Variants in COL4A2 observed in about 807,000 individuals in gnomAD.
COL4A2 encodes collagen type IV alpha 2 chain, also known as collagen alpha-2(IV) chain.
A neutral mutation model predicts 200.2 loss-of-function variants in COL4A2; 99 were observed. That is an observed-to-expected ratio of 0.49 (90% CI 0.42 to 0.58). The LOEUF (loss-of-function observed/expected upper bound fraction) is 0.58, where lower values mean the gene tolerates loss of function less well. Among genes scored for constraint, COL4A2 ranks in the 20% least tolerant of loss-of-function variants. COL4A2 has a pLI of 0.00. For missense variants in COL4A2, 1,950 were observed against 2,314.1 expected (o/e 0.84, Z 3.23); for synonymous variants, 897 against 900.6 (o/e 1.00, Z 0.07).
At chr13:110,382,392 C>T (rs530336611) in intron 4 of COL4A2, among the ~76,000 whole-genome samples, 38 of 152,316 alleles carry the variant, frequency 2.5e-4, no homozygotes, top group African/African-American at 8.7e-4. Context: ...CACCCGTCTT[C>T]CGCCCACTTC....
intron 4 of COL4A2, among the ~76,000 whole-genome samples, chr13:110,408,162 G>C (rs11619430): frequency 0.6 from 90,747 of 151,760 alleles, 27,494 homozygotes; most frequent in Admixed American, 0.65. Flanking sequence ...GAGGGGAAAC[G>C]CAGGCGGGTC....
intron 4 of COL4A2, among the ~76,000 whole-genome samples, chr13:110,383,143 C>G (rs148187517): frequency 3.3e-5 from 5 of 152,170 alleles, no homozygotes; most frequent in African/African-American, 1.2e-4. Flanking sequence ...TTTGCTCAAA[C>G]TTATGGGGAT....
chr13:110,411,769 A>G (rs1879848875), intron 4 of COL4A2, among the ~76,000 whole-genome samples: 1 of 152,200 alleles, frequency 6.6e-6, no homozygotes, highest in African/African-American at 2.4e-5. Context: ...GTCCAAGGTC[A>G]TGTCTGTTCC....
intron 39 of COL4A2, among the ~76,000 whole-genome samples, chr13:110,494,159 T>C (rs150580884): frequency 2.6e-5 from 4 of 152,354 alleles, no homozygotes; most frequent in African/African-American, 9.6e-5. Context: ...TGAATGGGGA[T>C]ATAAAGACTC....
At chr13:110,366,545 A>C (rs1877760111) in intron 4 of COL4A2, among the ~76,000 whole-genome samples, 1 of 152,224 alleles carries the variant, frequency 6.6e-6, no homozygotes, top group South Asian at 2.1e-4. Flanking sequence ...AATAATAGCC[A>C]AGGGGAGAAA....
intron 24 of COL4A2, among the ~76,000 whole-genome samples, chr13:110,464,867 C>A (rs554458661): frequency 6.6e-6 from 1 of 152,228 alleles, no homozygotes; most frequent in Non-Finnish European, 1.5e-5. Flanking sequence ...AGCTCCCCCC[C>A]GCACCCTGCA....
intron 3 of COL4A2, among the ~76,000 whole-genome samples, chr13:110,332,927 A>G (rs942252528): frequency 6.6e-6 from 1 of 152,156 alleles, no homozygotes; most frequent in Admixed American, 6.5e-5. Context: ...CCAAATTCCC[A>G]TGGTAGCTAT....
At chr13:110,499,147 A>G (rs1448780514) in intron 40 of COL4A2, among the ~76,000 whole-genome samples, 1 of 152,260 alleles carries the variant, frequency 6.6e-6, no homozygotes, top group Non-Finnish European at 1.5e-5. Flanking sequence ...AAATATGGGA[A>G]TAATTTGAAT....
chr13:110,314,300 G>C (rs894925921), intron 3 of COL4A2, among the ~76,000 whole-genome samples: 1 of 152,226 alleles, frequency 6.6e-6, no homozygotes, highest in Non-Finnish European at 1.5e-5. Flanking sequence ...TCAGCAGCCA[G>C]TCACATTTGG....
intron 3 of COL4A2, among the ~76,000 whole-genome samples, chr13:110,309,305 T>C (rs1474910374): frequency 6.6e-6 from 1 of 152,200 alleles, no homozygotes; most frequent in East Asian, 1.9e-4. Context: ...ACCAGAGCAC[T>C]CCAGGCCAAA....
intron 3 of COL4A2, among the ~76,000 whole-genome samples, chr13:110,330,999 T>G (rs2139361428): frequency 6.6e-6 from 1 of 152,248 alleles, no homozygotes; most frequent in Admixed American, 6.5e-5. Flanking sequence ...AAATTGCTGT[T>G]TAAATAAACC....
intron 3 of COL4A2, among the ~76,000 whole-genome samples, chr13:110,320,143 G>A (rs375586221): frequency 2.0e-4 from 31 of 152,338 alleles, no homozygotes; most frequent in Admixed American, 1.6e-3. Flanking sequence ...TCTGGTTCTC[G>A]CATACTGGGC....
intron 3 of COL4A2, among the ~76,000 whole-genome samples, chr13:110,334,572 A>G (rs142697204): frequency 6.6e-6 from 1 of 152,218 alleles, no homozygotes; most frequent in Admixed American, 6.5e-5. Context: ...TGTCGTGGTC[A>G]TGGCACACTC....
Position 110,469,336 on chromosome 13 carries a change from T to C in COL4A2, c.2203+12T>C, listed in dbSNP as rs924834763. The C allele has an allele frequency of 7.7e-6, 12 of 1,565,016 alleles. No individual in the cohort carries two copies. Among genetic ancestry groups the C allele is most frequent in the Middle Eastern group, 2.1e-4 (1 of 4,694 alleles). ...CCCAGGACCCCCAGGTGAGTTGAGA[T>C]CAGACCCCCATTCAGCCCCTGGGTT... On this transcript the variant is annotated intron_variant, in intron 28 of 47. Coordinates refer to ENST00000360467, the MANE Select transcript of COL4A2 (RefSeq NM_001846.4).
At chr13:110,364,626 T>G (rs1877664092) in intron 4 of COL4A2, among the ~76,000 whole-genome samples, 1 of 152,252 alleles carries the variant, frequency 6.6e-6, no homozygotes, top group African/African-American at 2.4e-5. Flanking sequence ...AAATATTCTT[T>G]TTGTGAATAT....
chr13:110,318,254 G>A (rs1004887854), intron 3 of COL4A2, among the ~76,000 whole-genome samples: 41 of 152,298 alleles, frequency 2.7e-4, no homozygotes, highest in Middle Eastern at 3.4e-3. Flanking sequence ...CCATGGACTC[G>A]TGTCTGGGTC....
chr13:110,425,343 C>T (rs1880432851), intron 6 of COL4A2, among the ~76,000 whole-genome samples: 1 of 152,158 alleles, frequency 6.6e-6, no homozygotes, highest in Admixed American at 6.5e-5. Flanking sequence ...AGTCGTTCAG[C>T]CAAGAGCATG....
At position 110,512,056 on chromosome 13, in the gene COL4A2, C is replaced by T. The variant is rs376531364; in HGVS notation, c.5004C>T (p.Tyr1668=). Residue 1668 remains tyrosine, a synonymous_variant, in exon 48 of 48, where the codon TAC becomes TAT. Transcript: ENST00000360467. ...CNGGRGTCHY[Y]ANKYSFWLTT... Reference sequence around the variant, plus strand: ...GAGGCCGCGGCACCTGCCACTACTACGCCAACAAGTACAGCTTCTGGCTGA... The same window carrying T: ...GAGGCCGCGGCACCTGCCACTACTATGCCAACAAGTACAGCTTCTGGCTGA... 2.3e-5 allele frequency: 37 copies of T among 1,613,740 alleles called. No homozygotes were observed. Among genetic ancestry groups the T allele is most frequent in the East Asian group, 2.2e-4 (10 of 44,890 alleles).
intron 40 of COL4A2, among the ~76,000 whole-genome samples, chr13:110,496,349 T>C (rs1056943186): frequency 4.6e-5 from 7 of 152,210 alleles, no homozygotes; most frequent in Non-Finnish European, 1.5e-5. Context: ...CAGGATCTGC[T>C]GCCTGCCCTC....
Sources: gnomAD v4.1 joint callset for allele counts (sites outside exome capture counted in the v4.1 genomes callset) on GRCh38, gnomAD v4.1.1 for gene constraint, MANE v1.5 for transcripts, NCBI Gene and HGNC (gene_info 2026-07-23, HGNC 2026-07-21) for gene names.